The following APTX variants were observed in gnomAD, a reference collection of about 807,000 sequenced individuals.
APTX encodes the protein forkhead-associated domain histidine triad-like protein.
A neutral mutation model predicts 42.3 loss-of-function variants in APTX; 33 were observed. The ratio of observed to expected loss-of-function variants is 0.78; its 90% CI spans 0.59 to 1.04. APTX has a LOEUF of 1.04. Ranked by LOEUF, APTX falls within the 50% of genes least tolerant of loss-of-function variation. The pLI is 0.00. For synonymous variants in APTX, 130 were observed against 146.7 expected, an observed-to-expected ratio of 0.89 and a Z score of 0.82; for missense variants, 421 against 415.1, an observed-to-expected ratio of 1.01 and a Z score of -0.12.
At chr9:33,012,083 A>G (rs940320277) in intron 1 of APTX, among the ~76,000 whole-genome samples, 1 of 152,160 alleles carries the variant, frequency 6.6e-6, no homozygotes, top group Non-Finnish European at 1.5e-5. Context: ...CTATGTGAAA[A>G]TAATACTATT....
At position 32,985,987 on chromosome 9, in the gene APTX, T is replaced by C. The variant is rs759250143; in HGVS notation, c.527A>G (p.Gln176Arg). Reference protein sequence around the residue: ...HWSQGLKISMQDPKMQVYKDE... With the variant: ...HWSQGLKISMRDPKMQVYKDE... ...TATTCTGACCTGCATTTTGGGGTCC[T>C]GCATAGAAATCTTCAAGCCTTGACT... Residue 176 changes from glutamine to arginine, a missense_variant, in exon 5 of 8, where the codon CAG (glutamine) becomes CGG (arginine). Physicochemically the swap from Gln to Arg is conservative, Grantham distance 43 (BLOSUM62 1). Transcript: ENST00000379817. The C allele has an allele frequency of 3.7e-6, 6 of 1,600,796 alleles. No homozygotes were observed. The South Asian group carries it at 5.5e-5, about 15-fold the overall frequency.
At chr9:32,998,101 G>C (rs112276514) in intron 1 of APTX, among the ~76,000 whole-genome samples, 79 of 152,294 alleles carry the variant, frequency 5.2e-4, no homozygotes, top group African/African-American at 1.8e-3. Flanking sequence ...TAAGAGTTAA[G>C]TCCAGGAAAG....
chr9:32,988,041 A>G, intron 3 of APTX, 42 bp downstream of exon 3: 2 of 1,599,084 alleles, frequency 1.3e-6, no homozygotes, highest in Non-Finnish European at 1.7e-6. Context: ...ACAGCATAAG[A>G]AAATCATCGA....
intron 1 of APTX, among the ~76,000 whole-genome samples, chr9:33,022,151 AGATACT>A (rs1838435513): frequency 6.6e-6 from 1 of 152,128 alleles, no homozygotes; most frequent in Non-Finnish European, 1.5e-5. Flanking sequence ...ATATATATAT[AGATACT>A]AAGTAAAAAG....
chr9:32,975,303 T>C (rs1033461457), intron 6 of APTX, among the ~76,000 whole-genome samples: 3 of 151,358 alleles, frequency 2.0e-5, no homozygotes, highest in African/African-American at 7.2e-5. Flanking sequence ...AGTGCTACTA[T>C]CTGATTTATA....
intron 2 of APTX, among the ~76,000 whole-genome samples, chr9:32,988,794 T>C (rs978300068): frequency 2.0e-5 from 3 of 151,730 alleles, no homozygotes; most frequent in African/African-American, 4.8e-5. Flanking sequence ...AACTATTAGA[T>C]GCTTTAAAAG....
chr9:32,979,046 T>G (rs1830100171), intron 6 of APTX, among the ~76,000 whole-genome samples: 1 of 152,202 alleles, frequency 6.6e-6, no homozygotes. Context: ...GGTAACTTTT[T>G]AAAACTTTTA....
At chr9:33,001,146 C>T (rs1836331487) in intron 1 of APTX, among the ~76,000 whole-genome samples, 1 of 151,830 alleles carries the variant, frequency 6.6e-6, no homozygotes, top group Non-Finnish European at 1.5e-5. Flanking sequence ...CCCGCCCGGC[C>T]AAGGACTGCT....
intron 7 of APTX, 25 bp from the exon 8 acceptor site, chr9:32,973,677 A>G (rs1424688171): frequency 1.2e-6 from 2 of 1,612,272 alleles, no homozygotes; most frequent in African/African-American, 2.7e-5. Context: ...GAAAAGTCAA[A>G]TCCCAGCTAC....
At chr9:33,018,875 T>C (rs1203911812) in intron 1 of APTX, among the ~76,000 whole-genome samples, 1 of 152,076 alleles carries the variant, frequency 6.6e-6, no homozygotes, top group East Asian at 1.9e-4. Flanking sequence ...CGAGACTCCA[T>C]CTCAAAAAGA....
intron 6 of APTX, among the ~76,000 whole-genome samples, chr9:32,978,391 T>G (rs1435296032): frequency 1.3e-5 from 2 of 151,912 alleles, no homozygotes; most frequent in African/African-American, 4.8e-5. Context: ...TATTTTGGGG[T>G]TTTTGGTTGG....
chr9:33,021,993 G>A (rs1332023441), intron 1 of APTX, among the ~76,000 whole-genome samples: 2 of 149,066 alleles, frequency 1.3e-5, no homozygotes, highest in African/African-American at 2.5e-5. Flanking sequence ...AACAATGAAA[G>A]TACTAGACCT....
intron 1 of APTX, among the ~76,000 whole-genome samples, chr9:33,011,297 T>G (rs991849685): frequency 3.8e-5 from 5 of 131,464 alleles, no homozygotes; most frequent in South Asian, 2.3e-4. Flanking sequence ...TATTTTTTTT[T>G]TTTGTTTTGA....
In APTX at chr9:32,981,420, GTA is replaced by G. The variant is rs543697838; in HGVS notation, c.770+3209_770+3210del. Among the ~76,000 whole-genome samples, 640 of 152,156 alleles carry G rather than the reference GTA, an allele frequency of 4.2e-3. 8 individuals carry two copies. The highest frequency in any genetic ancestry group is 0.015 in the African/African-American group (613 of 41,532). ...GATAAACACAGAATTATAGGGGTGT[GTA>G]TGTGTGTGTGTGTGTATGGCTTAGG... On this transcript the variant is annotated intron_variant, in intron 6 of 7. Transcript: ENST00000379817.
At chr9:33,001,651 C>T, upstream of APTX, 4 of 1,610,708 alleles carry the variant, frequency 2.5e-6, no homozygotes, top group African/African-American at 4.0e-5. Context: ...CAGAGGCCGG[C>T]TGTATCGCGA....
chr9:33,016,448 T>G (rs954746355), intron 1 of APTX, among the ~76,000 whole-genome samples: 1 of 152,166 alleles, frequency 6.6e-6, no homozygotes. Context: ...GCAATAAACA[T>G]GTTTACTGCA....
intron 6 of APTX, among the ~76,000 whole-genome samples, chr9:32,976,179 G>A (rs991241782): frequency 6.9e-6 from 1 of 145,782 alleles, no homozygotes; most frequent in Non-Finnish European, 1.5e-5. Flanking sequence ...ACTAAACAAT[G>A]AGATCACTTG....
At chr9:32,995,934 C>T (rs1003550968) in intron 1 of APTX, among the ~76,000 whole-genome samples, 10 of 150,438 alleles carry the variant, frequency 6.6e-5, no homozygotes, top group African/African-American at 2.5e-4. Flanking sequence ...AAACCTTCAG[C>T]AACTATGACC....
chr9:32,990,472 CTGTTACACATGTATTGATA>C (rs1341350183), intron 1 of APTX, among the ~76,000 whole-genome samples: 3 of 152,306 alleles, frequency 2.0e-5, no homozygotes, highest in African/African-American at 7.2e-5. Flanking sequence ...CACACCTGGC[CTGTTACACATGTATTGATA>C]TGTGCTGGAC....
Sources: gnomAD v4.1 joint callset for allele counts (sites outside exome capture counted in the v4.1 genomes callset) on GRCh38, gnomAD v4.1.1 for gene constraint, MANE v1.5 for transcripts, NCBI Gene and HGNC (gene_info 2026-07-23, HGNC 2026-07-21) for gene names.